GOLPH3L: variants seen among roughly 807,000 people sequenced by gnomAD.
The protein encoded by GOLPH3L is golgi phosphoprotein 3 like, also known as Golgi phosphoprotein 3-like.
A neutral mutation model predicts 30.3 loss-of-function variants in GOLPH3L; 22 were observed. The ratio of observed to expected loss-of-function variants is 0.73; its 90% confidence interval spans 0.52 to 1.04. The LOEUF is 1.04. Ranked by LOEUF, GOLPH3L falls within the 50% of genes least tolerant of loss-of-function variation. The probability of loss-of-function intolerance (pLI) is 0.00; values close to 1 mark genes in which losing one functional copy is unlikely to be tolerated. For missense variants in GOLPH3L, 303 were observed against 345.8 expected (o/e 0.88, Z 0.98); for synonymous variants, 120 against 128.2 (o/e 0.94, Z 0.43).
intron 2 of GOLPH3L, among the ~76,000 whole-genome samples, chr1:150,669,547 A>G (rs1048744405): frequency 1.3e-5 from 2 of 152,220 alleles, no homozygotes; most frequent in African/African-American, 4.8e-5. Context: ...TCTCATTACC[A>G]AAGGCTATCT....
intron 2 of GOLPH3L, among the ~76,000 whole-genome samples, chr1:150,668,690 A>G (rs796940293): frequency 6.6e-6 from 1 of 151,654 alleles, no homozygotes; most frequent in Non-Finnish European, 1.5e-5. Flanking sequence ...GCCCCAACTC[A>G]TATTTGTGAC....
chr1:150,650,173 C>A (rs1381513696), intron 4 of GOLPH3L, among the ~76,000 whole-genome samples: 1 of 152,058 alleles, frequency 6.6e-6, no homozygotes, highest in Non-Finnish European at 1.5e-5. Context: ...ATCACACACA[C>A]ATATCCAACA....
At chr1:150,663,584 G>A in intron 3 of GOLPH3L, 48 bp downstream of exon 3, 1 of 1,521,234 alleles carries the variant, frequency 6.6e-7, no homozygotes, top group Non-Finnish European at 9.0e-7. Flanking sequence ...ATGTACTGTT[G>A]GTATTTGCCT....
intron 2 of GOLPH3L, among the ~76,000 whole-genome samples, chr1:150,682,866 C>T (rs1486745970): frequency 6.6e-6 from 1 of 152,082 alleles, no homozygotes; most frequent in Non-Finnish European, 1.5e-5. Context: ...TCTTGGACAA[C>T]TGTGAATAGG....
intron 4 of GOLPH3L, 92 bp downstream of exon 4, chr1:150,661,722 C>A: frequency 1.4e-6 from 1 of 733,946 alleles, no homozygotes; most frequent in South Asian, 1.5e-5. Flanking sequence ...TCTCATCCAG[C>A]ACGATGAATT....
At chr1:150,658,031 T>C (rs1650283302) in intron 4 of GOLPH3L, among the ~76,000 whole-genome samples, 1 of 152,228 alleles carries the variant, frequency 6.6e-6, no homozygotes, top group African/African-American at 2.4e-5. Context: ...GAGGTTATGC[T>C]TGTGTTTCTC....
rs587743551 is a variant in GOLPH3L at position 150,693,954 on chromosome 1, G to A, written c.183+702C>T. On this transcript the variant is annotated intron_variant, in intron 2 of 4. Transcript: ENST00000271732. ...GGCTCATTGCAACCTCCGCCTCCCA[G>A]GTTCAAGTGATTCTCCTGCCTCAGC... Among the ~76,000 whole-genome samples the A allele has an allele frequency of 1.1e-4, 15 of 139,962 alleles. No individual in the cohort carries two copies. The East Asian group carries it at 3.1e-3, about 29-fold the overall frequency. 91.8% of individuals were successfully genotyped at this position (139,962 alleles called of 152,430 possible).
chr1:150,663,305 G>A (rs1325509435), intron 3 of GOLPH3L, among the ~76,000 whole-genome samples: 3 of 152,088 alleles, frequency 2.0e-5, no homozygotes, highest in Non-Finnish European at 4.4e-5. Context: ...CTCTCAAAGT[G>A]CTGGGATTAC....
chr1:150,653,185 A>AG (rs1194038933), intron 4 of GOLPH3L, among the ~76,000 whole-genome samples: 1 of 151,322 alleles, frequency 6.6e-6, no homozygotes. Context: ...CAAAAAAAAA[A>AG]AAAAAGAAAA....
At chr1:150,683,055 C>G (rs977499762) in intron 2 of GOLPH3L, among the ~76,000 whole-genome samples, 1 of 152,128 alleles carries the variant, frequency 6.6e-6, no homozygotes, top group African/African-American at 2.4e-5. Flanking sequence ...GGAAGATAAG[C>G]GCATCTTACT....
Position 150,694,808 on chromosome 1 carries a change from T to C in GOLPH3L, c.31A>G (p.Thr11Ala). Residue 11 changes from threonine to alanine, a missense_variant, in exon 2 of 5, where the codon ACT becomes GCT. Transcript: ENST00000271732. ...TTTTCAGAGTTCTTGCTTATTTCAG[T>C]GCGACGGGCCCGGTGAGTTAAAGTG... MTTLTHRARRTEISKNSEKKM... is the reference protein window; with the variant it reads MTTLTHRARRAEISKNSEKKM... 6.2e-7 allele frequency: 1 copy of C among 1,612,884 alleles called. No individual in the cohort carries two copies. The highest frequency in any genetic ancestry group is 8.5e-7 in the Non-Finnish European group (1 of 1,179,478).
At chr1:150,683,752 G>T (rs1571053376) in intron 2 of GOLPH3L, among the ~76,000 whole-genome samples, 2 of 114,834 alleles carry the variant, frequency 1.7e-5, no homozygotes, top group East Asian at 3.0e-4. Flanking sequence ...CTCAATAAAT[G>T]TTGGCTCACT....
chr1:150,691,493 G>A (rs1479842736), intron 2 of GOLPH3L, among the ~76,000 whole-genome samples: 1 of 151,948 alleles, frequency 6.6e-6, no homozygotes, highest in East Asian at 1.9e-4. Flanking sequence ...TCCAACCTGG[G>A]TGACAGAGCA....
intron 2 of GOLPH3L, among the ~76,000 whole-genome samples, chr1:150,674,556 C>T (rs930792121): frequency 1.3e-5 from 2 of 152,046 alleles, no homozygotes; most frequent in African/African-American, 4.8e-5. Flanking sequence ...AACCACCGCA[C>T]TCGGCCTTTT....
Position 150,648,301 on chromosome 1 carries a change from G to C in GOLPH3L, c.*20C>G. 1.3e-6 allele frequency: 2 copies of C among 1,547,564 alleles called. No homozygotes were observed. Among genetic ancestry groups the C allele is most frequent in the Non-Finnish European group, 1.8e-6 (2 of 1,137,074 alleles). ...CAGTCACCAGCCAGCAGGGGAAAAG[G>C]AGAAATCCACCTGCCGGCTTTAAGA... On this transcript the variant is annotated 3_prime_UTR_variant, in exon 5 of 5. Transcript: ENST00000271732.
intron 2 of GOLPH3L, among the ~76,000 whole-genome samples, chr1:150,692,667 C>T (rs1651240138): frequency 1.3e-5 from 2 of 152,214 alleles, no homozygotes; most frequent in South Asian, 2.1e-4. Flanking sequence ...GTTAGGATTA[C>T]AGGAATTAGC....
At chr1:150,678,047 C>T (rs1329303426) in intron 2 of GOLPH3L, among the ~76,000 whole-genome samples, 8 of 151,230 alleles carry the variant, frequency 5.3e-5, no homozygotes, top group African/African-American at 1.9e-4. Flanking sequence ...TGCCTGTAAT[C>T]CCAGCACTTT....
At chr1:150,652,372 C>T (rs1448139374) in intron 4 of GOLPH3L, among the ~76,000 whole-genome samples, 3 of 81,648 alleles carry the variant, frequency 3.7e-5, no homozygotes, top group African/African-American at 9.7e-5. Context: ...CAGAGTGAGA[C>T]TCTGTCTCAA....
chr1:150,686,238 A>G lies in GOLPH3L; in HGVS notation c.183+8418T>C, dbSNP rs114193882. 1.8e-3 allele frequency among the ~76,000 whole-genome samples: 272 copies of G among 152,276 alleles called. 1 individual carries two copies. The highest frequency in any genetic ancestry group is 6.0e-3 in the African/African-American group (250 of 41,560). On this transcript the variant is annotated intron_variant, in intron 2 of 4. Transcript: ENST00000271732. ...TGTTTTGTTTTTCCTGTTTTGAGACAGAGTCGTGCTCTGTGGCCCAGGCTG... is the reference window on the plus strand; with the variant it reads ...TGTTTTGTTTTTCCTGTTTTGAGACGGAGTCGTGCTCTGTGGCCCAGGCTG...
Sources: gnomAD v4.1 joint callset for allele counts (sites outside exome capture counted in the v4.1 genomes callset) on GRCh38, gnomAD v4.1.1 for gene constraint, MANE v1.5 for transcripts, NCBI Gene and HGNC (gene_info 2026-07-23, HGNC 2026-07-21) for gene names.